COL15A1: variants seen among roughly 807,000 people sequenced by gnomAD.
COL15A1 encodes collagen alpha-1(XV) chain.
COL15A1 carries 111 observed loss-of-function variants against 165.9 expected under a neutral mutation model. The ratio of observed to expected loss-of-function variants is 0.67; its 90% CI spans 0.57 to 0.78. The LOEUF (loss-of-function observed/expected upper bound fraction) is 0.78. Ranked by LOEUF, COL15A1 falls within the 30% of genes least tolerant of loss-of-function variation. The pLI, the probability that COL15A1 is intolerant of heterozygous loss-of-function variation, is 0.00. For missense variants in COL15A1, 1,745 were observed against 1,789.7 expected, an observed-to-expected ratio of 0.98 and a Z score of 0.45; for synonymous variants, 659 against 674.8, an observed-to-expected ratio of 0.98 and a Z score of 0.36.
intron 23 of COL15A1, among the ~76,000 whole-genome samples, chr9:99,041,621 C>G (rs1564078214): frequency 6.6e-6 from 1 of 152,164 alleles, no homozygotes; most frequent in Middle Eastern, 3.4e-3. Flanking sequence ...CTGGGATGGG[C>G]TGGGGTGCCA....
chr9:99,029,141 C>T (rs1263637381), intron 16 of COL15A1, among the ~76,000 whole-genome samples: 2 of 152,232 alleles, frequency 1.3e-5, no homozygotes, highest in African/African-American at 4.8e-5. Flanking sequence ...CGGAACACAC[C>T]TAGTATTAAC....
Position 99,000,913 on chromosome 9 carries a change from T to A in COL15A1, c.1027T>A (p.Ser343Thr), listed in dbSNP as rs772284159. Residue 343 changes from serine (S) to threonine (T), a missense_variant, in exon 7 of 42, where the codon TCA becomes ACA. Ser to Thr is a moderately conservative substitution (Grantham distance 58). Coordinates refer to ENST00000375001, the MANE Select transcript of COL15A1 (RefSeq NM_001855.5). ...TGGTGACCCCATTACTGACAGCGGC[T>A]CAGGGGCTGGGGCCTTCCTTGACAT... ...VDGDPITDSGSGAGAFLDIAE... is the reference protein window; with the variant it reads ...VDGDPITDSGTGAGAFLDIAE... The A allele has an allele frequency of 6.2e-7, 1 of 1,600,688 alleles. No individual in the cohort carries two copies.
chr9:99,069,369 T>C (rs1825948276), intron 41 of COL15A1, among the ~76,000 whole-genome samples: 1 of 152,154 alleles, frequency 6.6e-6, no homozygotes. Flanking sequence ...TTATTGGCCT[T>C]TGAAAGATGA....
chr9:99,047,285 T>A (rs149818138), intron 26 of COL15A1, among the ~76,000 whole-genome samples: 14 of 152,320 alleles, frequency 9.2e-5, no homozygotes, highest in African/African-American at 3.4e-4. Context: ...AGACCAAGAC[T>A]CTGGTTCCTA....
intron 8 of COL15A1, among the ~76,000 whole-genome samples, chr9:99,004,534 G>A (rs1002375547): frequency 2.0e-5 from 3 of 152,208 alleles, no homozygotes; most frequent in Non-Finnish European, 4.4e-5. Flanking sequence ...CAACAAGAAA[G>A]CTGTGGAGTC....
intron 2 of COL15A1, among the ~76,000 whole-genome samples, chr9:98,980,219 T>C (rs1373227553): frequency 2.0e-5 from 3 of 151,876 alleles, no homozygotes; most frequent in Non-Finnish European, 4.4e-5. Context: ...TGTTCATTCA[T>C]TCACTATAAG....
chr9:99,039,880 G>A (rs71501887), intron 22 of COL15A1, among the ~76,000 whole-genome samples: 17,683 of 152,168 alleles, frequency 0.12, 1,169 homozygotes, highest in South Asian at 0.21. Flanking sequence ...GTGCAATGCC[G>A]ATGTCCCTGC....
intron 26 of COL15A1, 27 bp downstream of exon 26, chr9:99,044,797 T>A (rs1387981354): frequency 3.7e-6 from 6 of 1,606,528 alleles, no homozygotes. Context: ...CTCAGCTGGA[T>A]CTGGGCTGGG....
intron 2 of COL15A1, among the ~76,000 whole-genome samples, chr9:98,975,307 G>A (rs1169394383): frequency 1.3e-5 from 2 of 152,226 alleles, no homozygotes; most frequent in African/African-American, 2.4e-5. Flanking sequence ...GGGAGGCAAG[G>A]CTCCAAAGCT....
At chr9:99,043,709 G>A (rs925338010) in intron 24 of COL15A1, among the ~76,000 whole-genome samples, 5 of 152,138 alleles carry the variant, frequency 3.3e-5, no homozygotes, top group African/African-American at 1.2e-4. Flanking sequence ...GCTACTCCCA[G>A]CCCCATTGAA....
At chr9:98,992,805 C>G (rs1054561330) in intron 5 of COL15A1, among the ~76,000 whole-genome samples, 1 of 152,184 alleles carries the variant, frequency 6.6e-6, no homozygotes, top group Non-Finnish European at 1.5e-5. Context: ...GGACTCAAGC[C>G]AGGCCTCACT....
intron 16 of COL15A1, 146 bp from the exon 17 acceptor site, chr9:99,034,403 T>G: frequency 1.5e-6 from 2 of 1,327,594 alleles, no homozygotes; most frequent in Non-Finnish European, 2.0e-6. Flanking sequence ...TTGTAATGTG[T>G]TTGGTTTGGA....
At chr9:98,986,510 GC>G (rs1838316131) in intron 3 of COL15A1, 1 of 162,882 alleles carries the variant, frequency 6.1e-6, no homozygotes, top group Non-Finnish European at 1.3e-5. Flanking sequence ...GGTGACAATT[GC>G]ACGTAAGTAA....
At chr9:99,065,618 G>A (rs1825878777) in intron 39 of COL15A1, among the ~76,000 whole-genome samples, 1 of 149,604 alleles carries the variant, frequency 6.7e-6, no homozygotes, top group South Asian at 2.2e-4. Context: ...GCTCAGTGCG[G>A]GGCAGGAAGG....
At chr9:98,994,803 C>T (rs888228817) in intron 5 of COL15A1, among the ~76,000 whole-genome samples, 1 of 152,144 alleles carries the variant, frequency 6.6e-6, no homozygotes, top group African/African-American at 2.4e-5. Context: ...ACTGGATCCC[C>T]ATTCACATTG....
At chr9:98,985,517 A>C in intron 2 of COL15A1, 48 bp from the exon 3 acceptor site, 1 of 1,531,180 alleles carries the variant, frequency 6.5e-7, no homozygotes, top group Non-Finnish European at 8.8e-7. Context: ...ATTTTCAAGC[A>C]AAGTGGAATA....
chr9:98,961,700 C>T (rs1412457409), intron 2 of COL15A1, among the ~76,000 whole-genome samples: 4 of 152,166 alleles, frequency 2.6e-5, no homozygotes, highest in East Asian at 1.9e-4. Context: ...GCAGCACTAC[C>T]GCCCAGGGCC....
In COL15A1 at chr9:99,055,354, C is replaced by T. The variant is rs201153263; in HGVS notation, c.3174C>T (p.Pro1058=). 1.1e-4 allele frequency: 173 copies of T among 1,611,830 alleles called. 3 individuals are homozygous for T. The South Asian group carries it at 1.5e-3, about 14-fold the overall frequency. ...TTATGTCTGGGCCTCCAGGCCTGCC[C>T]GGAAATCCAGGCCCGGCTGTGAGTA... ...SFLMSGPPGL[P]GNPGPAGQKG... Residue 1058 remains proline (P), a synonymous_variant, in exon 34 of 42, where the codon CCC becomes CCT. Coordinates refer to ENST00000375001, the MANE Select transcript of COL15A1 (RefSeq NM_001855.5).
chr9:99,031,561 C>T (rs577340927), intron 16 of COL15A1, among the ~76,000 whole-genome samples: 2 of 152,188 alleles, frequency 1.3e-5, no homozygotes, highest in South Asian at 4.1e-4. Context: ...TTTGCGGACA[C>T]GTCATGGCCT....
Sources: allele counts gnomAD v4.1 joint callset (sites outside exome capture counted in the v4.1 genomes callset), GRCh38; gene constraint gnomAD v4.1.1; transcripts MANE v1.5; gene names NCBI Gene and HGNC (gene_info 2026-07-23, HGNC 2026-07-21).